Variants in SHANK2 observed in about 807,000 individuals in gnomAD.
SHANK2 encodes SH3 and multiple ankyrin repeat domains 2, also known as SH3 and multiple ankyrin repeat domains protein 2.
A neutral mutation model predicts 133.7 loss-of-function variants in SHANK2; 43 were observed. That is an observed-to-expected ratio of 0.32 (90% CI 0.25 to 0.41). SHANK2 has a LOEUF of 0.41. Among genes scored for constraint, SHANK2 ranks in the 10% least tolerant of loss-of-function variants. The pLI, the probability that SHANK2 is intolerant of heterozygous loss-of-function variation, is 1.00. For synonymous variants in SHANK2, 1,017 were observed against 952.8 expected, an observed-to-expected ratio of 1.07 and a Z score of -1.24; for missense variants, 1,994 against 2,235.8, an observed-to-expected ratio of 0.89 and a Z score of 2.18.
At chr11:71,206,994 G>A (rs1555118089) in intron 2 of SHANK2, among the ~76,000 whole-genome samples, 1 of 152,064 alleles carries the variant, frequency 6.6e-6, no homozygotes, top group Non-Finnish European at 1.5e-5. Context: ...GGCGGGGAGT[G>A]AGGATTGCTT....
chr11:70,877,414 T>C (rs1934352221), intron 11 of SHANK2, among the ~76,000 whole-genome samples: 1 of 151,914 alleles, frequency 6.6e-6, no homozygotes, highest in Admixed American at 6.5e-5. Flanking sequence ...TCTGCTGTTC[T>C]ATTCTTTGGC....
chr11:70,612,396 A>G (rs2060671466), intron 17 of SHANK2, among the ~76,000 whole-genome samples: 1 of 152,186 alleles, frequency 6.6e-6, no homozygotes, highest in Non-Finnish European at 1.5e-5. Context: ...GTACAGCTGC[A>G]GGCGAAGGCA....
intron 14 of SHANK2, among the ~76,000 whole-genome samples, chr11:70,779,706 C>G (rs1212826877): frequency 6.6e-6 from 1 of 152,166 alleles, no homozygotes; most frequent in Admixed American, 6.5e-5. Context: ...CAATATCCTC[C>G]TCTGATCTTC....
intron 15 of SHANK2, among the ~76,000 whole-genome samples, chr11:70,681,422 G>C (rs566176952): frequency 7.9e-5 from 12 of 152,074 alleles, no homozygotes; most frequent in African/African-American, 2.9e-4. Flanking sequence ...TCAGATTCCC[G>C]GCCCAGAAAC....
intron 2 of SHANK2, among the ~76,000 whole-genome samples, chr11:71,194,511 C>T (rs1353726054): frequency 1.3e-5 from 2 of 152,144 alleles, no homozygotes; most frequent in Non-Finnish European, 2.9e-5. Flanking sequence ...AGGATGTTAA[C>T]AGCTGGATCC....
chr11:70,619,162 G>A (rs1402434698), intron 17 of SHANK2, among the ~76,000 whole-genome samples: 1 of 152,170 alleles, frequency 6.6e-6, no homozygotes, highest in Non-Finnish European at 1.5e-5. Flanking sequence ...AACCACCCTT[G>A]GGTTAGATTC....
chr11:70,833,281 C>T (rs1028566068), intron 11 of SHANK2, among the ~76,000 whole-genome samples: 6 of 152,366 alleles, frequency 3.9e-5, no homozygotes, highest in Admixed American at 3.3e-4. Context: ...GACTGGCCAC[C>T]CCGGCTGGCC....
chr11:70,753,848 G>A (rs2510292), intron 14 of SHANK2, among the ~76,000 whole-genome samples: 2 of 151,932 alleles, frequency 1.3e-5, no homozygotes, highest in African/African-American at 4.8e-5. Context: ...GTCTCACTCA[G>A]TCACCCAGGC....
Position 70,596,697 on chromosome 11 carries a change from T to C in SHANK2, c.2061+63131A>G, listed in dbSNP as rs184174734. Among the ~76,000 whole-genome samples the C allele has an allele frequency of 1.5e-3, 234 of 152,326 alleles. 4 individuals are homozygous for C. Among genetic ancestry groups the C allele is most frequent in the Middle Eastern group, 6.8e-3 (2 of 294 alleles). ...GGCCTTCCTTCCTTCCTGCCTTCCCTGGGCTGCTGCAAGGCTCACCTTCTA... is the reference window on the plus strand; with the variant it reads ...GGCCTTCCTTCCTTCCTGCCTTCCCCGGGCTGCTGCAAGGCTCACCTTCTA... On this transcript the variant is annotated intron_variant, in intron 17 of 25. Transcript: ENST00000601538.
intron 17 of SHANK2, among the ~76,000 whole-genome samples, chr11:70,577,863 G>C (rs972789373): frequency 2.0e-5 from 3 of 152,166 alleles, no homozygotes; most frequent in African/African-American, 7.2e-5. Flanking sequence ...GAGGCCATTA[G>C]GGTGGGCCCT....
At chr11:70,523,703 C>T (rs150549715) in intron 17 of SHANK2, among the ~76,000 whole-genome samples, 233 of 152,292 alleles carry the variant, frequency 1.5e-3, no homozygotes, top group Admixed American at 3.7e-3. Flanking sequence ...AGGAGGCGCT[C>T]GCTGCTGGGG....
chr11:71,167,433 T>G (rs1438064586), intron 2 of SHANK2, among the ~76,000 whole-genome samples: 1 of 95,734 alleles, frequency 1.0e-5, no homozygotes, highest in Non-Finnish European at 2.1e-5. Context: ...CCCACCTCCC[T>G]CCCAGACGGG....
rs371309565 is a variant in SHANK2, at chr11:70,661,685, A to G, written c.1854-7T>C. On this transcript the variant is annotated splice_polypyrimidine_tract_variant and splice_region_variant and intron_variant, in intron 15 of 25. Transcript: ENST00000601538. ...CTCCTCAATAATGCAGTCACTGTAG[A>G]GAGAATTCCGGGGACAGCGACCATT... is the stretch of plus-strand genomic sequence containing the variant. 16 of 1,614,124 alleles carry G rather than the reference A, an allele frequency of 9.9e-6. No homozygotes were observed. In the African/African-American group the frequency reaches 2.0e-4, roughly 20 times the overall value.
chr11:70,602,852 C>G (rs1442150088), intron 17 of SHANK2, among the ~76,000 whole-genome samples: 1 of 152,120 alleles, frequency 6.6e-6, no homozygotes, highest in Non-Finnish European at 1.5e-5. Context: ...TTCTGAAATG[C>G]ACGTGGACCC....
intron 25 of SHANK2, among the ~76,000 whole-genome samples, chr11:70,481,972 C>G (rs1347700078): frequency 6.6e-6 from 1 of 152,246 alleles, no homozygotes; most frequent in Non-Finnish European, 1.5e-5. Context: ...GGACCCCCCC[C>G]CAGTGGTGGT....
Position 70,508,291 on chromosome 11 carries a change from C to T in SHANK2, c.2062-5360G>A, listed in dbSNP as rs555765885. 3.5e-3 allele frequency among the ~76,000 whole-genome samples: 528 copies of T among 152,340 alleles called. 1 individual carries two copies. Among genetic ancestry groups the T allele is most frequent in the Admixed American group, 6.3e-3 (97 of 15,306 alleles). The stretch of plus-strand genomic sequence containing the variant: ...AACCCATCCCAACCTTCCGCCCACA[C>T]TGACCTTTCCCGACAGAATGCTCAG... On this transcript the variant is annotated intron_variant, in intron 17 of 25. Coordinates refer to ENST00000601538, the MANE Select transcript of SHANK2 (RefSeq NM_012309.5).
At chr11:70,566,452 A>G (rs1554981924) in intron 17 of SHANK2, 1 of 152,222 alleles carries the variant, frequency 6.6e-6, no homozygotes, top group East Asian at 1.9e-4. Flanking sequence ...CTCGCAGGAC[A>G]GGGATACTCC....
intron 15 of SHANK2, among the ~76,000 whole-genome samples, chr11:70,693,859 T>C (rs1269290493): frequency 6.6e-6 from 1 of 152,070 alleles, no homozygotes; most frequent in Non-Finnish European, 1.5e-5. Flanking sequence ...GATTCATACA[T>C]GGATGGATGA....
intron 21 of SHANK2, among the ~76,000 whole-genome samples, chr11:70,499,497 TGTCCCACGCTGTTCTGGCAACTGG>T (rs2059019657): frequency 6.6e-6 from 1 of 152,230 alleles, no homozygotes; most frequent in East Asian, 1.9e-4. Context: ...GGACTTCTGT[TGTCCCACGCTGTTCTGGCAACTGG>T]GTCCCTGGCA....
Sources: gnomAD v4.1 joint callset for allele counts (sites outside exome capture counted in the v4.1 genomes callset) on GRCh38, gnomAD v4.1.1 for gene constraint, MANE v1.5 for transcripts, NCBI Gene and HGNC (gene_info 2026-07-23, HGNC 2026-07-21) for gene names.